Variants in RTN1 observed in about 807,000 individuals in gnomAD.
The protein encoded by RTN1 is reticulon 1, also known as reticulon-1.
Under a neutral mutation model 65.5 loss-of-function variants are expected in RTN1, and 25 were observed. The ratio of observed to expected loss-of-function variants is 0.38; its 90% CI spans 0.28 to 0.53. The LOEUF (loss-of-function observed/expected upper bound fraction) is 0.53. RTN1 is among the 20% of genes least tolerant of loss of function. The probability of loss-of-function intolerance (pLI) is 0.79; values close to 1 mark genes in which losing one functional copy is unlikely to be tolerated. For missense variants in RTN1, 983 were observed against 1,025.4 expected (o/e 0.96, Z 0.57); for synonymous variants, 471 against 447.6 (o/e 1.05, Z -0.66).
rs1393620279 is a variant in RTN1 at position 59,825,106 on chromosome 14, G to A, written c.241+45284C>T. On this transcript the variant is annotated intron_variant, in intron 1 of 8. Coordinates refer to ENST00000267484, the MANE Select transcript of RTN1 (RefSeq NM_021136.3). This position sits in a 1 kb window ranked among gnomAD's most constrained non-coding sequence, Gnocchi z 4.2. ...CAGTTAATAATACTATAGCGTACAC[G>A]TGAAATTAACTTGTTCTAGAGAGCT... Among the ~76,000 whole-genome samples the A allele has an allele frequency of 1.3e-5, 2 of 152,202 alleles. No homozygotes were observed. The highest frequency in any genetic ancestry group is 2.9e-5 in the Non-Finnish European group (2 of 68,040).
chr14:59,831,615 T>C (rs1887125602), intron 1 of RTN1, among the ~76,000 whole-genome samples: 1 of 152,184 alleles, frequency 6.6e-6, no homozygotes, highest in African/African-American at 2.4e-5. Context: ...TGTATGTGTG[T>C]GTATGTATAA....
At chr14:59,738,521 G>T (rs1189181892) in intron 2 of RTN1, among the ~76,000 whole-genome samples, 1 of 152,148 alleles carries the variant, frequency 6.6e-6, no homozygotes, top group Non-Finnish European at 1.5e-5. Context: ...GCAAGGTTGT[G>T]GAGAAAAAGG....
intron 5 of RTN1, 145 bp downstream of exon 5, chr14:59,605,223 T>C (rs1881704562): frequency 1.3e-6 from 1 of 765,830 alleles, no homozygotes; most frequent in Non-Finnish European, 2.0e-6. Context: ...GACTGGTTCA[T>C]GGTGCCATAC....
intron 3 of RTN1, among the ~76,000 whole-genome samples, chr14:59,625,465 A>G (rs1882370271): frequency 6.6e-6 from 1 of 152,240 alleles, no homozygotes; most frequent in South Asian, 2.1e-4. Flanking sequence ...AAGCTCATAT[A>G]GTAAAGAAAC....
intron 1 of RTN1, among the ~76,000 whole-genome samples, chr14:59,823,505 C>A (rs1026885798): frequency 6.6e-6 from 1 of 152,072 alleles, no homozygotes; most frequent in African/African-American, 2.4e-5. Context: ...GTAATAAATT[C>A]CCTTAGCATT....
rs1307870996 is a variant in RTN1 at position 59,606,547 on chromosome 14, C to A, written c.1973+738G>T. 2.0e-5 allele frequency among the ~76,000 whole-genome samples: 3 copies of A among 152,242 alleles called. No individual in the cohort carries two copies. The East Asian group carries it at 5.8e-4, about 29-fold the overall frequency. On this transcript the variant is annotated intron_variant, in intron 4 of 8. Transcript: ENST00000267484. ...AGTGAGGAGCTGGCAATCTGCAACC[C>A]AGGCAAGGGCCCTCAACAGAATCCT... is the stretch of plus-strand genomic sequence containing the variant.
intron 1 of RTN1, among the ~76,000 whole-genome samples, chr14:59,815,822 A>G (rs1376600192): frequency 6.6e-6 from 1 of 152,020 alleles, no homozygotes; most frequent in Non-Finnish European, 1.5e-5. Flanking sequence ...TCCTTCCCAT[A>G]TTACTGATTC....
At chr14:59,845,084 C>T (rs1412299947) in intron 1 of RTN1, among the ~76,000 whole-genome samples, 1 of 152,122 alleles carries the variant, frequency 6.6e-6, no homozygotes, top group Non-Finnish European at 1.5e-5. Flanking sequence ...TATAAATGAA[C>T]TTCACATTGT....
At chr14:59,697,759 C>A (rs193003493) in intron 3 of RTN1, among the ~76,000 whole-genome samples, 16 of 152,214 alleles carry the variant, frequency 1.1e-4, no homozygotes, top group Admixed American at 5.2e-4. Context: ...AAGCTTAACA[C>A]AAGTCAACAG....
intron 1 of RTN1, among the ~76,000 whole-genome samples, chr14:59,801,678 G>A (rs540132977): frequency 2.6e-5 from 4 of 152,092 alleles, no homozygotes; most frequent in Non-Finnish European, 5.9e-5. Flanking sequence ...CTGGCTGAAG[G>A]AACAATAGCA....
At chr14:59,701,706 T>C (rs1292665113) in intron 3 of RTN1, among the ~76,000 whole-genome samples, 1 of 152,018 alleles carries the variant, frequency 6.6e-6, no homozygotes, top group African/African-American at 2.4e-5. Flanking sequence ...GGAATGAACA[T>C]TGAGGGGCAT....
intron 1 of RTN1, among the ~76,000 whole-genome samples, chr14:59,789,093 T>C (rs970488845): frequency 6.6e-6 from 1 of 152,074 alleles, no homozygotes; most frequent in East Asian, 1.9e-4. Context: ...AGTATGTTCT[T>C]CCTTCATATT....
Position 59,713,885 on chromosome 14 carries a change from G to A in RTN1, c.1765+13034C>T, listed in dbSNP as rs1371129187. Among the ~76,000 whole-genome samples the A allele has an allele frequency of 2.6e-5, 4 of 152,192 alleles. No homozygotes were observed. In the South Asian group the frequency reaches 8.3e-4, roughly 32 times the overall value. On this transcript the variant is annotated intron_variant, in intron 3 of 8. Transcript: ENST00000267484. ...CAAAGGACAGTACCAGCAAAGGACA[G>A]TATAAAGGGGAAAGGAACAGAGAAG...
At chr14:59,734,193 C>T (rs549303741) in intron 2 of RTN1, among the ~76,000 whole-genome samples, 2 of 152,090 alleles carry the variant, frequency 1.3e-5, no homozygotes, top group African/African-American at 2.4e-5. Context: ...AAAACAACAA[C>T]AAAAACAATA....
intron 3 of RTN1, among the ~76,000 whole-genome samples, chr14:59,719,364 T>C (rs1884602040): frequency 6.6e-6 from 1 of 152,214 alleles, no homozygotes. Context: ...ACAGTTGACT[T>C]CTCAGTTTCC....
chr14:59,763,577 G>A (rs573141678), intron 1 of RTN1, among the ~76,000 whole-genome samples: 1 of 144,250 alleles, frequency 6.9e-6, no homozygotes, highest in Admixed American at 7.1e-5. Context: ...CTGTTGCCCA[G>A]GCTGGAGTGC....
intron 3 of RTN1, among the ~76,000 whole-genome samples, chr14:59,667,941 A>C (rs550814744): frequency 7.2e-5 from 11 of 152,346 alleles, no homozygotes; most frequent in Admixed American, 3.3e-4. Context: ...CCACTGCTCA[A>C]CGAAATAAAA....
chr14:59,742,036 C>T (rs1019418753), intron 2 of RTN1, among the ~76,000 whole-genome samples: 4 of 152,126 alleles, frequency 2.6e-5, no homozygotes, highest in African/African-American at 7.2e-5. Flanking sequence ...GGACCTTGTA[C>T]ATCTTATTTA....
intron 1 of RTN1, among the ~76,000 whole-genome samples, chr14:59,784,716 A>G (rs1886221663): frequency 6.6e-6 from 1 of 152,214 alleles, no homozygotes. Context: ...CTTTATTTGA[A>G]TACTTTTGTA....
Sources: gnomAD v4.1 joint callset for allele counts (sites outside exome capture counted in the v4.1 genomes callset) on GRCh38, gnomAD v4.1.1 for gene constraint, Gnocchi (gnomAD v3.1) non-coding constraint, MANE v1.5 for transcripts, NCBI Gene and HGNC (gene_info 2026-07-23, HGNC 2026-07-21) for gene names.